Variants in SEPTIN7 observed in about 807,000 individuals in gnomAD.
SEPTIN7 encodes the protein septin-7.
Under a neutral mutation model 63.3 loss-of-function variants are expected in SEPTIN7, and 10 were observed. The ratio of observed to expected loss-of-function variants is 0.16; its 90% CI spans 0.10 to 0.27. The LOEUF is 0.27. SEPTIN7 is among the 10% of genes least tolerant of loss of function. The pLI is 1.00. For missense variants in SEPTIN7, 310 were observed against 521.0 expected, an observed-to-expected ratio of 0.59 and a Z score of 3.94; for synonymous variants, 131 against 165.3, an observed-to-expected ratio of 0.79 and a Z score of 1.59.
At chr7:35,817,962 CT>C (rs1385381987) in intron 1 of SEPTIN7, among the ~76,000 whole-genome samples, 1 of 151,694 alleles carries the variant, frequency 6.6e-6, no homozygotes, top group African/African-American at 2.4e-5. Flanking sequence ...ACTTACATTA[CT>C]TTACAATCTA....
chr7:35,862,218 G>C (rs1203665194), intron 3 of SEPTIN7, among the ~76,000 whole-genome samples: 2 of 151,912 alleles, frequency 1.3e-5, no homozygotes, highest in East Asian at 1.9e-4. Flanking sequence ...TTACCTTTCA[G>C]ACTTCTATTT....
intron 1 of SEPTIN7, among the ~76,000 whole-genome samples, chr7:35,803,912 G>T (rs906537045): frequency 6.6e-6 from 1 of 152,220 alleles, no homozygotes; most frequent in Non-Finnish European, 1.5e-5. Context: ...GAAGACTGCA[G>T]GTTGTGACCC....
chr7:35,808,021 C>T (rs1455412320), intron 1 of SEPTIN7, among the ~76,000 whole-genome samples: 1 of 151,724 alleles, frequency 6.6e-6, no homozygotes, highest in East Asian at 1.9e-4. Flanking sequence ...CGGGGTTTCA[C>T]CATGTTGGTC....
chr7:35,887,519 G>A (rs552295470), intron 10 of SEPTIN7, among the ~76,000 whole-genome samples: 2 of 152,266 alleles, frequency 1.3e-5, no homozygotes, highest in African/African-American at 4.8e-5. Context: ...ACTAATTTTT[G>A]TATTTTTAGT....
intron 12 of SEPTIN7, 57 bp from the exon 13 acceptor site, chr7:35,903,019 T>C (rs568293127): frequency 6.7e-7 from 1 of 1,502,678 alleles, no homozygotes; most frequent in East Asian, 2.5e-5. Flanking sequence ...GGATGAAACA[T>C]ACCTCTGCTT....
chr7:35,853,551 C>G (rs552764365), intron 3 of SEPTIN7, among the ~76,000 whole-genome samples: 82 of 152,140 alleles, frequency 5.4e-4, no homozygotes, highest in Non-Finnish European at 8.8e-4. Context: ...AGCTGTAGCT[C>G]TGCTACTTGG....
At chr7:35,869,548 A>G (rs1158963961) in intron 4 of SEPTIN7, among the ~76,000 whole-genome samples, 1 of 152,196 alleles carries the variant, frequency 6.6e-6, no homozygotes, top group Non-Finnish European at 1.5e-5. Context: ...CCTCTCTTCA[A>G]AATGTTATGT....
chr7:35,911,404 G>T (rs180920742), downstream of SEPTIN7, among the ~76,000 whole-genome samples: 3 of 150,694 alleles, frequency 2.0e-5, no homozygotes, highest in East Asian at 3.9e-4. Flanking sequence ...GAGGCATACT[G>T]CCCTCAAAAA....
intron 3 of SEPTIN7, chr7:35,847,976 T>C (rs1226269918): frequency 6.6e-6 from 1 of 152,228 alleles, no homozygotes; most frequent in Non-Finnish European, 1.5e-5. Flanking sequence ...AACACCTTGC[T>C]TCCCGTCTTC....
chr7:35,823,112 AAAT>A (rs535260716), intron 1 of SEPTIN7, among the ~76,000 whole-genome samples: 32 of 152,166 alleles, frequency 2.1e-4, no homozygotes, highest in Non-Finnish European at 2.9e-4. Context: ...TTAAAAAAAG[AAAT>A]AATAACCCTG....
intron 5 of SEPTIN7, 71 bp from the exon 6 acceptor site, chr7:35,873,570 T>G (rs1195549111): frequency 1.4e-6 from 2 of 1,439,738 alleles, no homozygotes; most frequent in African/African-American, 2.8e-5. Context: ...ATACTGATTA[T>G]TGTCCTTTAA....
At chr7:35,853,963 T>C (rs1785078296) in intron 3 of SEPTIN7, among the ~76,000 whole-genome samples, 1 of 152,182 alleles carries the variant, frequency 6.6e-6, no homozygotes, top group African/African-American at 2.4e-5. Flanking sequence ...CACCTTAAAA[T>C]GGTATTGATA....
intron 1 of SEPTIN7, among the ~76,000 whole-genome samples, chr7:35,814,721 A>G (rs1562738426): frequency 6.6e-6 from 1 of 151,884 alleles, no homozygotes; most frequent in Non-Finnish European, 1.5e-5. Flanking sequence ...CATGCCTGTA[A>G]TCCCAGCACT....
At chr7:35,850,817 G>A (rs1356069973) in intron 3 of SEPTIN7, among the ~76,000 whole-genome samples, 5 of 152,064 alleles carry the variant, frequency 3.3e-5, no homozygotes, top group East Asian at 3.9e-4. Context: ...TGCATTCCTC[G>A]TTCATTTATT....
chr7:35,886,554 C>G (rs1274512194), intron 10 of SEPTIN7, among the ~76,000 whole-genome samples: 3 of 152,172 alleles, frequency 2.0e-5, no homozygotes, highest in African/African-American at 7.2e-5. Flanking sequence ...TCAAAATGAT[C>G]CTCAGTATTT....
chr7:35,833,653 T>G (rs1315355649), intron 3 of SEPTIN7, among the ~76,000 whole-genome samples: 1 of 152,022 alleles, frequency 6.6e-6, no homozygotes, highest in Non-Finnish European at 1.5e-5. Context: ...TATTGTATAG[T>G]GTAACTTTGT....
At position 35,907,038 on chromosome 7, in the gene SEPTIN7, T is replaced by C. The variant is rs1788638848; in HGVS notation, c.*2745T>C. The C allele has an allele frequency of 3.9e-5, 6 of 152,248 alleles. No homozygotes were observed. The South Asian group carries it at 6.2e-4, about 16-fold the overall frequency. 9.4% of individuals were successfully genotyped at this position (152,248 alleles called of 1,614,324 possible). On this transcript the variant is annotated 3_prime_UTR_variant, in exon 14 of 14. Coordinates refer to ENST00000350320, the MANE Select transcript of SEPTIN7 (RefSeq NM_001788.6). Reference sequence around the variant, plus strand: ...CAATGAAAATATGTGTCAACAAATGTACTGCTACACTAATGTGAACATTAT... The same window carrying C: ...CAATGAAAATATGTGTCAACAAATGCACTGCTACACTAATGTGAACATTAT...
intron 2 of SEPTIN7, 47 bp downstream of exon 2, chr7:35,831,543 CTTAAAT>C (rs1783834684): frequency 2.5e-6 from 1 of 407,226 alleles, no homozygotes; most frequent in East Asian, 8.5e-5. Context: ...TCTCAGTTAA[CTTAAAT>C]TTAATTTATA....
chr7:35,843,612 A>C (rs1784519978), intron 3 of SEPTIN7, among the ~76,000 whole-genome samples: 1 of 152,240 alleles, frequency 6.6e-6, no homozygotes, highest in African/African-American at 2.4e-5. Context: ...AAAATTAGTA[A>C]AATTGTTATT....
Sources: gnomAD v4.1 joint callset for allele counts (sites outside exome capture counted in the v4.1 genomes callset) on GRCh38, gnomAD v4.1.1 for gene constraint, MANE v1.5 for transcripts, NCBI Gene and HGNC (gene_info 2026-07-23, HGNC 2026-07-21) for gene names.